The following SORCS1 variants were observed in gnomAD, a reference collection of about 807,000 sequenced individuals.
The protein encoded by SORCS1 is VPS10 domain-containing receptor SorCS1.
Under a neutral mutation model 146.1 loss-of-function variants are expected in SORCS1, and 60 were observed. The ratio of observed to expected loss-of-function variants is 0.41; its 90% CI spans 0.33 to 0.51. SORCS1 has a LOEUF of 0.51. SORCS1 is among the 20% of genes least tolerant of loss of function. SORCS1 has a pLI of 0.21. For synonymous variants in SORCS1, 637 were observed against 584.0 expected, an observed-to-expected ratio of 1.09 and a Z score of -1.31; for missense variants, 1,352 against 1,487.6, an observed-to-expected ratio of 0.91 and a Z score of 1.50.
intron 15 of SORCS1, among the ~76,000 whole-genome samples, chr10:106,672,332 G>T (rs1017376510): frequency 6.6e-6 from 1 of 152,110 alleles, no homozygotes; most frequent in African/African-American, 2.4e-5. Flanking sequence ...TATGTGAGAG[G>T]CCAGGACAAA....
At position 107,164,653 on chromosome 10, in the gene SORCS1, G is replaced by A. The variant is rs1969979499; in HGVS notation, c.-127C>T. The A allele has an allele frequency of 1.4e-6, 1 of 717,216 alleles. No individual in the cohort carries two copies. The highest frequency in any genetic ancestry group is 1.9e-6 in the Non-Finnish European group (1 of 516,120). 44.4% of individuals were successfully genotyped at this position (717,216 alleles called of 1,614,324 possible). A position where few individuals can be genotyped will look rare whatever the true frequency, so the allele number is the denominator to read the frequency against. On this transcript the variant is annotated 5_prime_UTR_variant, in exon 1 of 26. Coordinates refer to ENST00000263054, the MANE Select transcript of SORCS1 (RefSeq NM_052918.5). The surrounding 1 kb of genome is among the most constrained non-coding windows in gnomAD (Gnocchi z 6.8). The stretch of plus-strand genomic sequence containing the variant: ...CCATCCAAGTTGCGCCGCGGTGGGG[G>A]CGGGCGGAGGCGGCGCCGGGCAGGT...
At chr10:106,608,681 C>T (rs1846769678) in intron 22 of SORCS1, among the ~76,000 whole-genome samples, 1 of 152,178 alleles carries the variant, frequency 6.6e-6, no homozygotes, top group Admixed American at 6.5e-5. Flanking sequence ...GCAGTGAGAA[C>T]ATATCATATG....
At chr10:106,965,249 T>G (rs183309231) in intron 1 of SORCS1, among the ~76,000 whole-genome samples, 50 of 151,912 alleles carry the variant, frequency 3.3e-4, no homozygotes, top group African/African-American at 1.1e-3. Flanking sequence ...GTTTTTGTGG[T>G]TTTTGTTGTA....
At chr10:106,604,617 A>C (rs113984405) in intron 23 of SORCS1, among the ~76,000 whole-genome samples, 223 of 152,314 alleles carry the variant, frequency 1.5e-3, no homozygotes, top group African/African-American at 5.1e-3. Flanking sequence ...ATAAATCTGC[A>C]TAACTCGCAT....
intron 2 of SORCS1, among the ~76,000 whole-genome samples, chr10:106,946,889 T>C (rs532014634): frequency 6.6e-6 from 1 of 152,312 alleles, no homozygotes; most frequent in African/African-American, 2.4e-5. Flanking sequence ...GTCTAAGAGA[T>C]GTTTGTTGAA....
rs377584421 is a variant in SORCS1, at chr10:106,782,591, G to T, written c.727-5899C>A. Among the ~76,000 whole-genome samples, 63 of 152,268 alleles carry T rather than the reference G, an allele frequency of 4.1e-4. No individual in the cohort carries two copies. The South Asian group carries it at 0.012, about 29-fold the overall frequency. On this transcript the variant is annotated intron_variant, in intron 3 of 25. Transcript: ENST00000263054. ...CATAGAAGATGAGTAAGGTTTATCA[G>T]GAATGACAACATATGAGTTACAGTC...
intron 3 of SORCS1, among the ~76,000 whole-genome samples, chr10:106,783,013 C>T (rs1328679402): frequency 6.6e-6 from 1 of 152,176 alleles, no homozygotes; most frequent in Admixed American, 6.5e-5. Context: ...AGGTAAGCTA[C>T]AATCACAAGA....
At chr10:106,648,626 TA>T (rs1319364269) in intron 18 of SORCS1, among the ~76,000 whole-genome samples, 1 of 152,214 alleles carries the variant, frequency 6.6e-6, no homozygotes, top group Non-Finnish European at 1.5e-5. Context: ...GAATTATTTT[TA>T]GCATTTCTTT....
chr10:106,821,697 G>T (rs978530199), intron 3 of SORCS1, among the ~76,000 whole-genome samples: 3 of 152,066 alleles, frequency 2.0e-5, no homozygotes, highest in Non-Finnish European at 2.9e-5. Context: ...CGAGGCGGGC[G>T]GATCCCGAGG....
intron 1 of SORCS1, among the ~76,000 whole-genome samples, chr10:107,054,787 CATTT>C (rs1272764394): frequency 6.6e-6 from 1 of 152,148 alleles, no homozygotes; most frequent in Non-Finnish European, 1.5e-5. Flanking sequence ...TCAGCCCCAA[CATTT>C]ATTTTGACCT....
chr10:106,687,968 G>A (rs1385420797), intron 10 of SORCS1, among the ~76,000 whole-genome samples: 3 of 152,144 alleles, frequency 2.0e-5, no homozygotes, highest in African/African-American at 2.4e-5. Flanking sequence ...CGGGAAACAA[G>A]GATCCTGGAA....
chr10:107,027,423 A>C (rs527472712), intron 1 of SORCS1, among the ~76,000 whole-genome samples: 1 of 152,240 alleles, frequency 6.6e-6, no homozygotes, highest in Non-Finnish European at 1.5e-5. Context: ...CATTGGGATT[A>C]ATCAGCCAGG....
chr10:106,598,789 G>T (rs1846062004), intron 23 of SORCS1, among the ~76,000 whole-genome samples: 2 of 151,848 alleles, frequency 1.3e-5, no homozygotes, highest in Admixed American at 6.6e-5. Context: ...GGGCCTGATG[G>T]CTTAGTTTGG....
intron 1 of SORCS1, among the ~76,000 whole-genome samples, chr10:107,015,028 G>C (rs1957841777): frequency 6.6e-6 from 1 of 152,160 alleles, no homozygotes; most frequent in Non-Finnish European, 1.5e-5. Context: ...TTGCAAGGAG[G>C]CTCCTCAGAC....
chr10:106,725,933 GAAA>G (rs58266957), intron 6 of SORCS1, among the ~76,000 whole-genome samples: 8,652 of 135,316 alleles, frequency 0.064, 309 homozygotes, highest in African/African-American at 0.095. Flanking sequence ...TCTGTCTCAG[GAAA>G]AAAAAAAAAA....
chr10:107,025,849 G>C (rs897108197), intron 1 of SORCS1, among the ~76,000 whole-genome samples: 5 of 152,190 alleles, frequency 3.3e-5, no homozygotes, highest in African/African-American at 1.2e-4. Context: ...GTCAGCAAGC[G>C]TGAGAGCCCA....
At chr10:106,837,776 C>T (rs1948845457) in intron 2 of SORCS1, among the ~76,000 whole-genome samples, 1 of 151,802 alleles carries the variant, frequency 6.6e-6, no homozygotes, top group Non-Finnish European at 1.5e-5. Context: ...CCAGTCTTGT[C>T]CCTTCACTTG....
rs17121107 is a variant in SORCS1 at position 106,642,527 on chromosome 10, T to G, written c.2475+9855A>C. ...AGAAGGATCAAATTCAAATAAGAAA[T>G]GCACTCATATGGATTTTGAGGAGAA... On this transcript the variant is annotated intron_variant, in intron 18 of 25. Coordinates refer to ENST00000263054, the MANE Select transcript of SORCS1 (RefSeq NM_052918.5). 5.8e-3 allele frequency among the ~76,000 whole-genome samples: 884 copies of G among 152,286 alleles called. 19 individuals carry two copies. Among genetic ancestry groups the G allele is most frequent in the Admixed American group, 0.048 (735 of 15,292 alleles).
chr10:106,612,397 G>A (rs1332559396), intron 21 of SORCS1, among the ~76,000 whole-genome samples: 1 of 42,432 alleles, frequency 2.4e-5, no homozygotes, highest in African/African-American at 9.6e-5. Context: ...TCCCCCTCCC[G>A]CCCCCACCCC....
Sources: allele counts gnomAD v4.1 joint callset (sites outside exome capture counted in the v4.1 genomes callset), GRCh38; gene constraint gnomAD v4.1.1; non-coding constraint Gnocchi (gnomAD v3.1); transcripts MANE v1.5; gene names NCBI Gene and HGNC (gene_info 2026-07-23, HGNC 2026-07-21).